Variants in PRUNE2 observed in about 807,000 individuals in gnomAD.
PRUNE2 encodes protein prune homolog 2.
Under a neutral mutation model 252.0 loss-of-function variants are expected in PRUNE2, and 164 were observed. That is an observed-to-expected ratio of 0.65 (90% CI 0.57 to 0.74). The LOEUF (loss-of-function observed/expected upper bound fraction) is 0.74, where lower values mean the gene tolerates loss of function less well. PRUNE2 is among the 30% of genes least tolerant of loss of function. The probability of loss-of-function intolerance (pLI) is 0.00; values close to 1 mark genes in which losing one functional copy is unlikely to be tolerated. For synonymous variants in PRUNE2, 1,292 were observed against 1,350.2 expected (o/e 0.96, Z 0.94); for missense variants, 3,495 against 3,711.0 (o/e 0.94, Z 1.51).
chr9:76,637,938 A>C (rs953641129), intron 13 of PRUNE2, among the ~76,000 whole-genome samples: 1 of 152,212 alleles, frequency 6.6e-6, no homozygotes, highest in Non-Finnish European at 1.5e-5. Context: ...TGCCCAAAGG[A>C]AATGTTACAG....
At chr9:76,805,627 T>A (rs1669204203) in intron 6 of PRUNE2, among the ~76,000 whole-genome samples, 1 of 152,174 alleles carries the variant, frequency 6.6e-6, no homozygotes, top group South Asian at 2.1e-4. Flanking sequence ...ATAAAAATTC[T>A]GGTGTGCTAT....
intron 12 of PRUNE2, among the ~76,000 whole-genome samples, chr9:76,639,751 TGAG>T (rs577260665): frequency 9.9e-5 from 15 of 152,140 alleles, no homozygotes; most frequent in Non-Finnish European, 1.9e-4. Flanking sequence ...AACATGGAAC[TGAG>T]GAGTGGAAGT....
rs773269889 is a variant in PRUNE2 at position 76,614,532 on chromosome 9, T to C, written c.*38A>G. On this transcript the variant is annotated 3_prime_UTR_variant, in exon 19 of 19. Transcript: ENST00000376718. ...AGGTAGATATGTTTCAACAGAACCA[T>C]GAACCAGAAAAGCATCCTCTTCTTC... is the stretch of plus-strand genomic sequence containing the variant. 6.3e-7 allele frequency: 1 copy of C among 1,582,666 alleles called. No homozygotes were observed. The highest frequency in any genetic ancestry group is 8.7e-7 in the Non-Finnish European group (1 of 1,151,682).
chr9:76,616,614 A>G (rs1351359551), intron 18 of PRUNE2, among the ~76,000 whole-genome samples: 3 of 152,226 alleles, frequency 2.0e-5, no homozygotes, highest in Admixed American at 2.0e-4. Context: ...TCTAGGATTT[A>G]ATTCATCCCT....
chr9:76,809,830 C>T (rs1010235365), intron 6 of PRUNE2, among the ~76,000 whole-genome samples: 9 of 152,194 alleles, frequency 5.9e-5, no homozygotes. Context: ...TGACAAATGA[C>T]CACGTTAATG....
chr9:76,775,336 TC>T (rs2053617188), intron 6 of PRUNE2, among the ~76,000 whole-genome samples: 2 of 152,148 alleles, frequency 1.3e-5, no homozygotes, highest in Non-Finnish European at 2.9e-5. Context: ...TCACTCTGTC[TC>T]CCAGCCTGGA....
At chr9:76,645,152 T>C (rs1048327656) in intron 11 of PRUNE2, 2 of 411,094 alleles carry the variant, frequency 4.9e-6, no homozygotes, top group Non-Finnish European at 8.7e-6. Flanking sequence ...ACCACATCCA[T>C]TGCTAAGGCC....
rs766642034 is a variant in PRUNE2, at chr9:76,705,944, A to G, written c.6330T>C (p.Asp2110=). The G allele has an allele frequency of 1.9e-6, 3 of 1,613,984 alleles. No homozygotes were observed. In the East Asian group the frequency reaches 6.7e-5, roughly 36 times the overall value. ...QASDSPDICH[D]SEAKQETEKH... ...TCTCAGTCTCTTGCTTTGCTTCAGA[A>G]TCGTGACATATATCAGGGCTGTCGG... Residue 2110 remains aspartate (D), a synonymous_variant, in exon 8 of 19, where the codon GAT becomes GAC. Transcript: ENST00000376718.
At chr9:76,624,943 G>C in intron 16 of PRUNE2, 1 of 846,954 alleles carries the variant, frequency 1.2e-6, no homozygotes, top group South Asian at 1.4e-5. Flanking sequence ...TGCTCTGGTA[G>C]CTTGTTGAGG....
chr9:76,831,614 T>A (rs1366236106), intron 4 of PRUNE2, among the ~76,000 whole-genome samples: 3 of 152,154 alleles, frequency 2.0e-5, no homozygotes, highest in African/African-American at 7.2e-5. Context: ...TCAATTTATA[T>A]GATATTTTAA....
intron 17 of PRUNE2, among the ~76,000 whole-genome samples, chr9:76,623,728 G>A (rs961151362): frequency 2.6e-5 from 4 of 152,102 alleles, no homozygotes; most frequent in African/African-American, 9.7e-5. Context: ...AACCAGTTTT[G>A]TATCTAACCC....
intron 6 of PRUNE2, chr9:76,779,754 T>A (rs559332725): frequency 1.3e-5 from 2 of 152,388 alleles, no homozygotes; most frequent in East Asian, 3.9e-4. Flanking sequence ...GCATGATGGA[T>A]AATGAATGTT....
In PRUNE2 at chr9:76,673,264, T is replaced by C. The variant is rs1366410117; in HGVS notation, c.8277-17762A>G. 6.7e-5 allele frequency among the ~76,000 whole-genome samples: 10 copies of C among 149,962 alleles called. 1 individual carries two copies. Among genetic ancestry groups the C allele is most frequent in the African/African-American group, 2.2e-4 (9 of 41,106 alleles). ...AGAAATACAAACTACCATCAGGGAA[T>C]ACTACAAACACCTCTACGCAAATAA... On this transcript the variant is annotated intron_variant, in intron 9 of 18. Coordinates refer to ENST00000376718, the MANE Select transcript of PRUNE2 (RefSeq NM_015225.3).
At chr9:76,841,359 G>A (rs1038187893) in intron 4 of PRUNE2, among the ~76,000 whole-genome samples, 3 of 152,180 alleles carry the variant, frequency 2.0e-5, no homozygotes, top group African/African-American at 4.8e-5. Context: ...CACCACCAAG[G>A]CCCTGGGTTT....
intron 1 of PRUNE2, among the ~76,000 whole-genome samples, chr9:76,875,021 T>C (rs372835231): frequency 2.0e-5 from 3 of 152,268 alleles, no homozygotes; most frequent in South Asian, 2.1e-4. Context: ...GGCCTTTTTT[T>C]CCAAGCTTTT....
chr9:76,764,182 T>C (rs949539744), intron 6 of PRUNE2, among the ~76,000 whole-genome samples: 1 of 152,184 alleles, frequency 6.6e-6, no homozygotes, highest in Non-Finnish European at 1.5e-5. Context: ...AAGACAGACA[T>C]GTCACTGCTC....
chr9:76,629,755 C>T (rs1836671681), intron 15 of PRUNE2, among the ~76,000 whole-genome samples: 1 of 152,182 alleles, frequency 6.6e-6, no homozygotes, highest in African/African-American at 2.4e-5. Context: ...CATTTCCTCA[C>T]TCCCAACCCC....
intron 9 of PRUNE2, among the ~76,000 whole-genome samples, chr9:76,674,251 T>C (rs1311896719): frequency 1.3e-5 from 2 of 152,164 alleles, no homozygotes; most frequent in Non-Finnish European, 2.9e-5. Flanking sequence ...AGCATTCTTA[T>C]ACACCAACAA....
chr9:76,625,194 A>ACTGACCCAAATGATG, intron 16 of PRUNE2: 1 of 470,884 alleles, frequency 2.1e-6, no homozygotes, highest in Non-Finnish European at 3.8e-6. Flanking sequence ...ATGTAACATC[A>ACTGACCCAAATGATG]TTTGGGTCAG....
Sources: allele counts gnomAD v4.1 joint callset (sites outside exome capture counted in the v4.1 genomes callset), GRCh38; gene constraint gnomAD v4.1.1; transcripts MANE v1.5; gene names NCBI Gene and HGNC (gene_info 2026-07-23, HGNC 2026-07-21).